The following MALRD1 variants were observed in gnomAD, a reference collection of about 807,000 sequenced individuals.
MALRD1 encodes MAM and LDL-receptor class A domain-containing protein 1.
A neutral mutation model predicts 242.1 loss-of-function variants in MALRD1; 247 were observed. The observed-to-expected ratio is 1.02, with a 90% CI of 0.92 to 1.13. The LOEUF (loss-of-function observed/expected upper bound fraction) is 1.13, where lower values mean the gene tolerates loss of function less well. Among genes scored for constraint, MALRD1 ranks in the 50% most tolerant of loss-of-function variants. The pLI is 0.00. For synonymous variants in MALRD1, 995 were observed against 866.6 expected, an observed-to-expected ratio of 1.15 and a Z score of -2.60; for missense variants, 2,989 against 2,533.1, an observed-to-expected ratio of 1.18 and a Z score of -3.86.
At chr10:19,477,956 C>T (rs1171435706) in intron 29 of MALRD1, among the ~76,000 whole-genome samples, 1 of 152,150 alleles carries the variant, frequency 6.6e-6, no homozygotes, top group Non-Finnish European at 1.5e-5. Context: ...CCAAGTAACC[C>T]TTTTCTACTG....
At chr10:19,725,860 A>G (rs1358103024) in intron 38 of MALRD1, among the ~76,000 whole-genome samples, 1 of 152,220 alleles carries the variant, frequency 6.6e-6, no homozygotes, top group Non-Finnish European at 1.5e-5. Context: ...TAGTCTCTTC[A>G]GTAGATGATA....
chr10:19,673,935 G>T (rs1389114249), intron 36 of MALRD1, among the ~76,000 whole-genome samples: 1 of 151,942 alleles, frequency 6.6e-6, no homozygotes, highest in East Asian at 1.9e-4. Context: ...GTATCTGGGT[G>T]CATGTGTGTG....
intron 18 of MALRD1, among the ~76,000 whole-genome samples, chr10:19,245,091 A>G (rs75502716): frequency 0.011 from 1,714 of 152,292 alleles, 31 homozygotes; most frequent in African/African-American, 0.039. Context: ...TAAATTGTGT[A>G]TTAAGTGGCT....
intron 21 of MALRD1, among the ~76,000 whole-genome samples, chr10:19,317,800 C>A (rs1842765841): frequency 6.6e-6 from 1 of 151,978 alleles, no homozygotes; most frequent in Non-Finnish European, 1.5e-5. Context: ...ACTGATTATC[C>A]TGTAAGACCT....
At chr10:19,239,608 C>T (rs4644568) in intron 18 of MALRD1, among the ~76,000 whole-genome samples, 32,881 of 152,066 alleles carry the variant, frequency 0.22, 3,715 homozygotes, top group Admixed American at 0.34. Context: ...CATGTTATCT[C>T]CTAGTAGTTT....
chr10:19,067,967 T>G (rs1371516225), intron 2 of MALRD1, among the ~76,000 whole-genome samples: 1 of 152,106 alleles, frequency 6.6e-6, no homozygotes. Context: ...CCAGTTTTAT[T>G]ACCAAAAAGG....
At chr10:19,341,504 A>G (rs1843865876) in intron 24 of MALRD1, among the ~76,000 whole-genome samples, 2 of 142,314 alleles carry the variant, frequency 1.4e-5, no homozygotes, top group Admixed American at 7.0e-5. Context: ...GTATATATGT[A>G]TATATATGTG....
At chr10:19,502,353 C>G (rs1333721660) in intron 31 of MALRD1, among the ~76,000 whole-genome samples, 1 of 151,982 alleles carries the variant, frequency 6.6e-6, no homozygotes, top group Non-Finnish European at 1.5e-5. Context: ...TACTCCCATT[C>G]TTTCTTAATG....
intron 17 of MALRD1, among the ~76,000 whole-genome samples, chr10:19,207,402 C>T (rs1287980443): frequency 1.3e-5 from 2 of 152,162 alleles, no homozygotes; most frequent in Admixed American, 6.5e-5. Context: ...CTGGGGGCTT[C>T]AGAGATCACC....
intron 26 of MALRD1, among the ~76,000 whole-genome samples, chr10:19,368,957 C>T (rs1845240267): frequency 6.8e-6 from 1 of 146,392 alleles, no homozygotes; most frequent in Non-Finnish European, 1.5e-5. Flanking sequence ...AATAATATAT[C>T]AGTAATATAT....
chr10:19,708,504 A>ATTT (rs35508391), intron 38 of MALRD1, among the ~76,000 whole-genome samples: 201 of 56,820 alleles, frequency 3.5e-3, no homozygotes, highest in Middle Eastern at 0.013. Context: ...ACTCCCAGCT[A>ATTT]TTTTTTTTTT....
At chr10:19,210,833 A>G (rs1837017542) in intron 18 of MALRD1, among the ~76,000 whole-genome samples, 1 of 152,148 alleles carries the variant, frequency 6.6e-6, no homozygotes. Flanking sequence ...GCTCTCCCAC[A>G]GCGTAAGGTA....
chr10:19,075,936 C>CA (rs1238278790), intron 2 of MALRD1, among the ~76,000 whole-genome samples: 1 of 151,932 alleles, frequency 6.6e-6, no homozygotes, highest in Non-Finnish European at 1.5e-5. Flanking sequence ...TAATAACGAA[C>CA]ATTTGCAGTG....
chr10:19,180,977 C>T (rs1331638813), intron 14 of MALRD1, among the ~76,000 whole-genome samples: 3 of 152,010 alleles, frequency 2.0e-5, no homozygotes, highest in Admixed American at 1.3e-4. Context: ...ATTTCATTGG[C>T]ATTAATCATC....
chr10:19,264,096 G>A (rs1319093260), intron 19 of MALRD1, among the ~76,000 whole-genome samples: 1 of 151,972 alleles, frequency 6.6e-6, no homozygotes, highest in Non-Finnish European at 1.5e-5. Flanking sequence ...ACTGTATTAG[G>A]GAGCATTTCT....
At chr10:19,456,507 T>G (rs1835655763) in intron 29 of MALRD1, among the ~76,000 whole-genome samples, 1 of 152,076 alleles carries the variant, frequency 6.6e-6, no homozygotes, top group African/African-American at 2.4e-5. Flanking sequence ...CAGTGATTGC[T>G]TTATATAAAG....
intron 21 of MALRD1, among the ~76,000 whole-genome samples, chr10:19,284,661 T>G (rs1266143874): frequency 7.2e-6 from 1 of 139,358 alleles, no homozygotes; most frequent in Non-Finnish European, 1.5e-5. Context: ...TTGTTGGACA[T>G]TTGGGTTGGT....
intron 36 of MALRD1, among the ~76,000 whole-genome samples, chr10:19,669,234 T>C (rs1461234752): frequency 6.6e-6 from 1 of 152,244 alleles, no homozygotes; most frequent in Non-Finnish European, 1.5e-5. Flanking sequence ...GCTAGAAGAT[T>C]TGTGTTCATT....
intron 5 of MALRD1, among the ~76,000 whole-genome samples, chr10:19,111,391 A>C (rs559033466): frequency 2.4e-4 from 36 of 152,348 alleles, no homozygotes; most frequent in African/African-American, 8.4e-4. Flanking sequence ...ACTAAAGAAG[A>C]GGCATCAATA....
Sources: gnomAD v4.1 joint callset for allele counts (sites outside exome capture counted in the v4.1 genomes callset) on GRCh38, gnomAD v4.1.1 for gene constraint, MANE v1.5 for transcripts, NCBI Gene and HGNC (gene_info 2026-07-23, HGNC 2026-07-21) for gene names.